The following SSC5D variants were observed in gnomAD, a reference collection of about 807,000 sequenced individuals.
SSC5D encodes scavenger receptor cysteine rich family member with 5 domains.
Under a neutral mutation model 104.6 loss-of-function variants are expected in SSC5D, and 106 were observed. The observed-to-expected ratio is 1.01, with a 90% CI of 0.87 to 1.19. The LOEUF (loss-of-function observed/expected upper bound fraction) is 1.19. SSC5D is among the 50% of genes most tolerant of loss of function. The pLI is 0.00. For synonymous variants in SSC5D, 860 were observed against 883.5 expected, an observed-to-expected ratio of 0.97 and a Z score of 0.47; for missense variants, 1,993 against 2,153.8, an observed-to-expected ratio of 0.93 and a Z score of 1.48.
At chr19:55,516,358 G>A (rs1361480103) in intron 13 of SSC5D, among the ~76,000 whole-genome samples, 4 of 152,234 alleles carry the variant, frequency 2.6e-5, no homozygotes, top group South Asian at 4.2e-4. Context: ...TTAGCCTGGT[G>A]TGGTGGCGGG....
intron 13 of SSC5D, among the ~76,000 whole-genome samples, chr19:55,515,345 A>C (rs1452119143): frequency 6.6e-6 from 1 of 150,664 alleles, no homozygotes; most frequent in Non-Finnish European, 1.5e-5. Context: ...GCAGCGAGCC[A>C]AGATCGCGCC....
At chr19:55,489,845 T>G in intron 3 of SSC5D, 37 bp from the exon 4 acceptor site, 1 of 1,532,900 alleles carries the variant, frequency 6.5e-7, no homozygotes, top group Non-Finnish European at 8.8e-7. Context: ...ATTCCCCTCC[T>G]CTCCTCATAG....
Position 55,518,957 on chromosome 19 carries a change from AC to A in SSC5D, c.4685del (p.Pro1562GlnfsTer8). On this transcript the variant is annotated frameshift_variant, in exon 14 of 14. Coordinates refer to ENST00000389623, the MANE Select transcript of SSC5D (RefSeq NM_001144950.2). LOFTEE classifies it high-confidence loss of function. ...CAGCATGCCTGCACCAACCACCACT[AC>A]CCCAGAGGAAGAAGAAAGACCCCTG... is the stretch of plus-strand genomic sequence containing the variant. ...TTSMPAPTTT[T>X]PEEEERPLRG... 1 of 1,550,150 alleles carries A rather than the reference AC, an allele frequency of 6.5e-7. No individual in the cohort carries two copies. The highest frequency in any genetic ancestry group is 1.2e-5 in the South Asian group (1 of 84,050).
Position 55,489,545 on chromosome 19 carries a change from G to A in SSC5D, c.244G>A (p.Val82Met). ...GAFFGEGAGP[V>M]WLSELACRGN... ...CTTCTTCGGGGAGGGGGCAGGGCCT[G>A]TGTGGCTCAGCGAGCTGGCTTGCCG... The change falls in exon 3 of 14, where the codon GTG becomes ATG. Residue 82 changes from valine (V) to methionine (M), a missense_variant. Coordinates refer to ENST00000389623, the MANE Select transcript of SSC5D (RefSeq NM_001144950.2). The A allele has an allele frequency of 6.7e-6, 10 of 1,497,822 alleles. No individual in the cohort carries two copies. The highest frequency in any genetic ancestry group is 8.9e-6 in the Non-Finnish European group (10 of 1,127,938). The allele number at this position is 1,497,822 out of a possible 1,614,324, so 92.8% of individuals were successfully genotyped here.
intron 9 of SSC5D, 72 bp downstream of exon 9, chr19:55,498,269 T>G: frequency 6.8e-7 from 1 of 1,470,242 alleles, no homozygotes; most frequent in Non-Finnish European, 9.3e-7. Flanking sequence ...ACATGGGCAC[T>G]AACATTGATT....
At chr19:55,504,735 G>T (rs1332129869) in intron 12 of SSC5D, among the ~76,000 whole-genome samples, 1 of 152,128 alleles carries the variant, frequency 6.6e-6, no homozygotes, top group Admixed American at 6.6e-5. Flanking sequence ...CCGACCTCGT[G>T]ATCCACTCGC....
At chr19:55,490,455 G>C (rs747999904) in intron 5 of SSC5D, 47 bp downstream of exon 5, 73 of 660,550 alleles carry the variant, frequency 1.1e-4, no homozygotes, top group Non-Finnish European at 1.7e-4. Flanking sequence ...GTTGCTGTGA[G>C]GCCCAGGGCC....
chr19:55,489,361 G>T lies in SSC5D; in HGVS notation c.60G>T (p.Leu20=). The part of the protein sequence containing the change: ...ALVGIQAVER[L]RLADGPHGCA... ...CATTCCTCCAACCCTCAGAGCGCCT[G>T]CGCCTGGCCGATGGCCCCCATGGGT... Residue 20 remains leucine, a synonymous_variant, in exon 3 of 14, where the codon CTG becomes CTT. Coordinates refer to ENST00000389623, the MANE Select transcript of SSC5D (RefSeq NM_001144950.2). The T allele has an allele frequency of 6.9e-7, 1 of 1,456,672 alleles. No individual in the cohort carries two copies. The allele number at this position is 1,456,672 out of a possible 1,614,324, so 90.2% of individuals were successfully genotyped here. A position where few individuals can be genotyped will look rare whatever the true frequency, so the allele number is the denominator to read the frequency against.
Position 55,500,098 on chromosome 19 carries a change from A to AGACCACTGCAGCACT in SSC5D, c.1997_2011dup (p.Ala666_Thr670dup). 1 of 1,551,604 alleles carries AGACCACTGCAGCACT rather than the reference A, an allele frequency of 6.4e-7. No individual in the cohort carries two copies. The highest frequency in any genetic ancestry group is 1.2e-5 in the South Asian group (1 of 84,026). On this transcript the variant is annotated inframe_insertion, in exon 10 of 14. Coordinates refer to ENST00000389623, the MANE Select transcript of SSC5D (RefSeq NM_001144950.2). The surrounding 1 kb of genome is among the most constrained non-coding windows in gnomAD (Gnocchi z 4.6). ...CAAAGCCCCCCAGACCTAACCTCAC[A>AGACCACTGCAGCACT]GACCACTGCAGCACTGACCACTGAG...
At chr19:55,508,136 G>A (rs527597835) in intron 12 of SSC5D, among the ~76,000 whole-genome samples, 3 of 152,078 alleles carry the variant, frequency 2.0e-5, no homozygotes, top group African/African-American at 4.8e-5. Flanking sequence ...TCCAGGGAGC[G>A]CCTGGGCTGA....
chr19:55,501,581 C>T (rs896433725), intron 12 of SSC5D, among the ~76,000 whole-genome samples: 4 of 152,192 alleles, frequency 2.6e-5, no homozygotes, highest in East Asian at 1.9e-4. Context: ...TTGAAGCTCA[C>T]GCTCTGGTCC....
chr19:55,492,851 C>T (rs1053117730), intron 6 of SSC5D: 4 of 151,230 alleles, frequency 2.6e-5, no homozygotes, highest in Non-Finnish European at 4.4e-5. Flanking sequence ...GAGACCCTTT[C>T]CCTACAAAAT....
chr19:55,518,298 T>C lies in SSC5D; in HGVS notation c.4022T>C (p.Leu1341Pro). The change falls in exon 14 of 14, where the codon CTT becomes CCT. Residue 1341 changes from leucine (L) to proline (P), a missense_variant. Transcript: ENST00000389623. The part of the protein sequence containing the change: ...SSTPVITTVS[L>P]PTSLGTELSS... ...ACCCCTGTCATCACTACTGTGTCCCTTCCAACCTCCTTGGGGACAGAACTC... is the reference window on the plus strand; with the variant it reads ...ACCCCTGTCATCACTACTGTGTCCCCTCCAACCTCCTTGGGGACAGAACTC... The C allele has an allele frequency of 6.7e-7, 1 of 1,499,516 alleles. No homozygotes were observed. Among genetic ancestry groups the C allele is most frequent in the Non-Finnish European group, 8.9e-7 (1 of 1,129,462 alleles). 92.9% of individuals were successfully genotyped at this position (1,499,516 alleles called of 1,614,324 possible). A position where few individuals can be genotyped will look rare whatever the true frequency, so the allele number is the denominator to read the frequency against.
At chr19:55,513,277 C>A in intron 13 of SSC5D, 105 bp downstream of exon 13, 2 of 1,182,086 alleles carry the variant, frequency 1.7e-6, no homozygotes, top group Non-Finnish European at 1.2e-6. Flanking sequence ...AAAGACTCAG[C>A]AGAAATATAC....
chr19:55,500,478 C>A lies in SSC5D; in HGVS notation c.2303-12C>A. On this transcript the variant is annotated splice_polypyrimidine_tract_variant and intron_variant, in intron 10 of 13. Coordinates refer to ENST00000389623, the MANE Select transcript of SSC5D (RefSeq NM_001144950.2). The surrounding 1 kb of genome is among the most constrained non-coding windows in gnomAD (Gnocchi z 4.6). ...CTGACCCTCCCTCCTGACCTAAGGG[C>A]CTTCCACGCAGGCCTGTTCCGGGTT... 2 of 1,550,496 alleles carry A rather than the reference C, an allele frequency of 1.3e-6. No homozygotes were observed. Among genetic ancestry groups the A allele is most frequent in the Non-Finnish European group, 1.7e-6 (2 of 1,146,162 alleles).
chr19:55,489,739 C>G, intron 3 of SSC5D, 77 bp downstream of exon 3: 1 of 1,505,720 alleles, frequency 6.6e-7, no homozygotes. Flanking sequence ...TTAGCCCCAG[C>G]AAGTCTGAGT....
chr19:55,490,893 C>T lies in SSC5D; in HGVS notation c.708C>T (p.Cys236=). 1 of 1,545,620 alleles carries T rather than the reference C, an allele frequency of 6.5e-7. No individual in the cohort carries two copies. The highest frequency in any genetic ancestry group is 8.7e-7 in the Non-Finnish European group (1 of 1,144,394). The change falls in exon 6 of 14, where the codon TGC becomes TGT. Residue 236 remains cysteine (C), a synonymous_variant. Coordinates refer to ENST00000389623, the MANE Select transcript of SSC5D (RefSeq NM_001144950.2). ...ACCTGCGCGACGCTGCTGTAGCCTG[C>T]CGGGAACTGGGCTGTGGGGGGGCGC... ...GWDLRDAAVA[C]RELGCGGALA...
chr19:55,489,299 C>A (rs1430788807), intron 2 of SSC5D, 55 bp from the exon 3 acceptor site: 16 of 1,414,122 alleles, frequency 1.1e-5, no homozygotes, highest in Non-Finnish European at 1.5e-5. Context: ...GTTGCCCTGG[C>A]CTTGGGGCCC....
chr19:55,495,438 G>A (rs766803609), intron 8 of SSC5D, among the ~76,000 whole-genome samples: 1 of 146,546 alleles, frequency 6.8e-6, no homozygotes, highest in Non-Finnish European at 1.5e-5. Context: ...TTGCCATGTT[G>A]CCTAGGCTGG....
Sources: allele counts gnomAD v4.1 joint callset (sites outside exome capture counted in the v4.1 genomes callset), GRCh38; gene constraint gnomAD v4.1.1; non-coding constraint Gnocchi (gnomAD v3.1); transcripts MANE v1.5; gene names NCBI Gene and HGNC (gene_info 2026-07-23, HGNC 2026-07-21).